The following TBC1D5 variants were observed in gnomAD, a reference collection of about 807,000 sequenced individuals.
TBC1D5 encodes the protein TBC1 domain family member 5, also known as TBC1 domain family, member 5.
Under a neutral mutation model 100.3 loss-of-function variants are expected in TBC1D5, and 75 were observed. That is an observed-to-expected ratio of 0.75 (90% confidence interval 0.62 to 0.91). The LOEUF (loss-of-function observed/expected upper bound fraction) is 0.91. Among genes scored for constraint, TBC1D5 ranks in the 40% least tolerant of loss-of-function variants. The probability of loss-of-function intolerance (pLI) is 0.00; values close to 1 mark genes in which losing one functional copy is unlikely to be tolerated. For missense variants in TBC1D5, 910 were observed against 942.4 expected, an observed-to-expected ratio of 0.97 and a Z score of 0.45; for synonymous variants, 323 against 325.6, an observed-to-expected ratio of 0.99 and a Z score of 0.09.
intron 17 of TBC1D5, among the ~76,000 whole-genome samples, chr3:17,228,801 A>G (rs1027007081): frequency 2.0e-5 from 3 of 151,870 alleles, no homozygotes; most frequent in African/African-American, 4.8e-5. Flanking sequence ...GAAACACTCA[A>G]TAAAAGTACT....
chr3:17,260,218 C>T (rs79761287), intron 15 of TBC1D5, among the ~76,000 whole-genome samples: 2,071 of 152,162 alleles, frequency 0.014, 43 homozygotes, highest in African/African-American at 0.047. Context: ...ATTCTCAGTA[C>T]CTGGAAATAC....
chr3:17,619,817 C>G (rs1318309940), intron 2 of TBC1D5, among the ~76,000 whole-genome samples: 1 of 152,188 alleles, frequency 6.6e-6, no homozygotes, highest in African/African-American at 2.4e-5. Context: ...ACATATATCA[C>G]AGATAAATGC....
rs1238552992 is a variant in TBC1D5, at chr3:17,690,342, A to G, written c.-101+49001T>C. Reference sequence around the variant, plus strand: ...CGCCATTCTCCCGCCTCAGCCTCCCAAGTAGCTGGGACTACAGGCGCCCGC... The same window carrying G: ...CGCCATTCTCCCGCCTCAGCCTCCCGAGTAGCTGGGACTACAGGCGCCCGC... On this transcript the variant is annotated intron_variant, in intron 1 of 21. Coordinates refer to ENST00000253692, the Ensembl canonical transcript of TBC1D5. Among the ~76,000 whole-genome samples the G allele has an allele frequency of 3.9e-5, 3 of 77,056 alleles. 1 individual carries two copies. The highest frequency in any genetic ancestry group is 7.6e-5 in the Non-Finnish European group (3 of 39,448). 50.6% of individuals were successfully genotyped at this position (77,056 alleles called of 152,430 possible).
At position 17,564,017 on chromosome 3, in the gene TBC1D5, T is replaced by C. The variant is rs548119120; in HGVS notation, c.-35-55412A>G. 1.2e-3 allele frequency among the ~76,000 whole-genome samples: 186 copies of C among 152,234 alleles called. 1 individual carries two copies. The highest frequency in any genetic ancestry group is 3.5e-3 in the East Asian group (18 of 5,160). On this transcript the variant is annotated intron_variant, in intron 2 of 21. Transcript: ENST00000253692. ...CAGGATGGTCTCGATCTCCTGACCT[T>C]GTGATCCGCCCGCCTTGGCCTCCCA...
At chr3:17,318,283 C>T (rs1233448238) in intron 13 of TBC1D5, among the ~76,000 whole-genome samples, 4 of 151,140 alleles carry the variant, frequency 2.6e-5, no homozygotes, top group East Asian at 1.9e-4. Context: ...TACTAAATGA[C>T]GAGTTAATGG....
At chr3:17,435,383 G>A (rs893609537) in intron 3 of TBC1D5, among the ~76,000 whole-genome samples, 1 of 152,178 alleles carries the variant, frequency 6.6e-6, no homozygotes, top group Non-Finnish European at 1.5e-5. Flanking sequence ...AAGGAAAGAG[G>A]TTTAATCAAC....
At chr3:17,681,785 C>T (rs1020451908) in intron 1 of TBC1D5, among the ~76,000 whole-genome samples, 4 of 151,518 alleles carry the variant, frequency 2.6e-5, no homozygotes, top group Admixed American at 6.6e-5. Context: ...CTGTTAGAAG[C>T]CAGGCCACAC....
chr3:17,531,135 G>A (rs1452590170), intron 2 of TBC1D5, among the ~76,000 whole-genome samples: 1 of 152,196 alleles, frequency 6.6e-6, no homozygotes, highest in African/African-American at 2.4e-5. Context: ...CTTCAGGGAA[G>A]TCTCAGGATA....
intron 1 of TBC1D5, among the ~76,000 whole-genome samples, chr3:17,698,387 T>C (rs1280203422): frequency 6.6e-6 from 1 of 151,528 alleles, no homozygotes; most frequent in African/African-American, 2.4e-5. Flanking sequence ...TATACAAAAA[T>C]CAATTCAAGA....
intron 2 of TBC1D5, among the ~76,000 whole-genome samples, chr3:17,580,826 C>A (rs1433590283): frequency 6.6e-6 from 1 of 152,140 alleles, no homozygotes; most frequent in African/African-American, 2.4e-5. Flanking sequence ...TTCCTCTTAA[C>A]CTCACTGTGT....
At chr3:17,445,372 T>A (rs538692497) in intron 3 of TBC1D5, among the ~76,000 whole-genome samples, 1 of 152,068 alleles carries the variant, frequency 6.6e-6, no homozygotes, top group South Asian at 2.1e-4. Context: ...AAAAGTCCCG[T>A]CTGCCATAGA....
chr3:17,248,993 A>G (rs2076972267), intron 16 of TBC1D5, among the ~76,000 whole-genome samples: 1 of 152,042 alleles, frequency 6.6e-6, no homozygotes, highest in South Asian at 2.1e-4. Flanking sequence ...TCCTTAATCA[A>G]TCTCCACTAG....
Position 17,574,103 on chromosome 3 carries a change from T to G in TBC1D5, c.-36+49746A>C, listed in dbSNP as rs547776280. On this transcript the variant is annotated intron_variant, in intron 2 of 21. Transcript: ENST00000253692. ...TCTCACCTCTGTCTTTAATGCAGAA[T>G]GAAAGGCCTCTCTAAGCTGTACTCC... Among the ~76,000 whole-genome samples, 3 of 152,130 alleles carry G rather than the reference T, an allele frequency of 2.0e-5. No individual in the cohort carries two copies. The East Asian group carries it at 5.8e-4, about 29-fold the overall frequency.
At chr3:17,634,267 G>A (rs1004546766) in intron 1 of TBC1D5, among the ~76,000 whole-genome samples, 5 of 152,154 alleles carry the variant, frequency 3.3e-5, no homozygotes, top group African/African-American at 1.2e-4. Flanking sequence ...AGAGGTATCT[G>A]CACTCCCATG....
At chr3:17,200,800 A>C (rs550937133) in intron 18 of TBC1D5, among the ~76,000 whole-genome samples, 2 of 152,322 alleles carry the variant, frequency 1.3e-5, no homozygotes, top group Admixed American at 6.5e-5. Flanking sequence ...TGTTTTAAAA[A>C]ATTTCTCCTG....
intron 8 of TBC1D5, among the ~76,000 whole-genome samples, chr3:17,400,172 T>G (rs1265116211): frequency 1.3e-5 from 2 of 152,094 alleles, no homozygotes; most frequent in Non-Finnish European, 1.5e-5. Context: ...TCCCCCACAG[T>G]GCAAAGGGCA....
rs9682731 is a variant in TBC1D5 at position 17,616,559 on chromosome 3, A to G, written c.-36+7290T>C. ...TAGGTCTTTAAGGACTTGCTTTTTG[A>G]AACTGGGTGCTCCTGTATTGGGTGC... is the stretch of plus-strand genomic sequence containing the variant. On this transcript the variant is annotated intron_variant, in intron 2 of 21. Transcript: ENST00000253692. 1.1e-3 allele frequency among the ~76,000 whole-genome samples: 167 copies of G among 152,092 alleles called. 1 individual carries two copies. The highest frequency in any genetic ancestry group is 3.8e-3 in the African/African-American group (158 of 41,486).
chr3:17,371,060 T>C (rs1279405545), intron 13 of TBC1D5, among the ~76,000 whole-genome samples: 1 of 147,782 alleles, frequency 6.8e-6, no homozygotes, highest in African/African-American at 2.6e-5. Flanking sequence ...TATAAGCCAC[T>C]GAAAAAATAC....
chr3:17,469,115 C>G (rs914083145), intron 3 of TBC1D5, among the ~76,000 whole-genome samples: 2 of 151,870 alleles, frequency 1.3e-5, no homozygotes. Flanking sequence ...CACAATAGTT[C>G]CTGAATACTG....
Sources: allele counts gnomAD v4.1 joint callset (sites outside exome capture counted in the v4.1 genomes callset), GRCh38; gene constraint gnomAD v4.1.1; transcripts MANE v1.5; gene names NCBI Gene and HGNC (gene_info 2026-07-23, HGNC 2026-07-21).